Variants in USP9X observed in about 807,000 individuals in gnomAD.
USP9X encodes the protein ubiquitin carboxyl-terminal hydrolase 9X.
A neutral mutation model predicts 190.3 loss-of-function variants in USP9X; 7 were observed. That is an observed-to-expected ratio of 0.04 (90% CI 0.02 to 0.07). USP9X has a LOEUF of 0.07. Ranked by LOEUF, USP9X falls within the 10% of genes least tolerant of loss-of-function variation. The pLI is 1.00. For missense variants in USP9X, 1,010 were observed against 1,916.9 expected, an observed-to-expected ratio of 0.53 and a Z score of 8.83; for synonymous variants, 645 against 659.5, an observed-to-expected ratio of 0.98 and a Z score of 0.34.
intron 6 of USP9X, among the ~76,000 whole-genome samples, chrX:41,138,342 C>T (rs1437997357): frequency 5.4e-5 from 6 of 111,373 alleles, no homozygotes; most frequent in African/African-American, 2.0e-4. Flanking sequence ...ATGTTTTTTT[C>T]TCCTGTTCTC....
At chrX:41,130,747 A>T (rs2062305173) in intron 3 of USP9X, among the ~76,000 whole-genome samples, 1 of 99,140 alleles carries the variant, frequency 1.0e-5, no homozygotes, top group African/African-American at 3.8e-5. Context: ...TCCTTTTGAG[A>T]CGGTGTCTCA....
chrX:41,088,343 T>G (rs1937229), intron 1 of USP9X, among the ~76,000 whole-genome samples: 4 of 110,474 alleles, frequency 3.6e-5, no homozygotes, highest in Admixed American at 2.9e-4. Flanking sequence ...GAGATTTCTT[T>G]GCTATCTTCT....
chrX:41,169,531 T>C (rs962158041), intron 18 of USP9X, among the ~76,000 whole-genome samples: 2 of 111,403 alleles, frequency 1.8e-5, no homozygotes, highest in Non-Finnish European at 3.8e-5. Flanking sequence ...CTCGGATCAC[T>C]GCAACCTTTG....
intron 13 of USP9X, 41 bp downstream of exon 13, chrX:41,151,098 T>C: frequency 8.8e-7 from 1 of 1,139,890 alleles, no homozygotes; most frequent in South Asian, 2.1e-5. Context: ...ACTTAAAATT[T>C]ATGTACTTTA....
chrX:41,109,998 A>G (rs1490911979), intron 1 of USP9X, among the ~76,000 whole-genome samples: 1 of 111,543 alleles, frequency 9.0e-6, no homozygotes, highest in Non-Finnish European at 1.9e-5. Flanking sequence ...AACTTACTGT[A>G]TTTCAGACTC....
intron 32 of USP9X, among the ~76,000 whole-genome samples, chrX:41,209,198 A>G (rs542586111): frequency 4.5e-5 from 5 of 111,791 alleles, no homozygotes; most frequent in Non-Finnish European, 7.5e-5. Flanking sequence ...CGATTTCCCA[A>G]AAGTGGTCTT....
chrX:41,204,429 T>C (rs1602030394), intron 31 of USP9X, among the ~76,000 whole-genome samples: 1 of 98,802 alleles, frequency 1.0e-5, no homozygotes, highest in African/African-American at 3.7e-5. Context: ...TTTTTTTTTT[T>C]AACAGTTCTG....
chrX:41,130,555 C>T (rs1168040430), intron 3 of USP9X, among the ~76,000 whole-genome samples: 1 of 100,641 alleles, frequency 9.9e-6, no homozygotes, highest in African/African-American at 3.7e-5. Context: ...GTGGTGTGAT[C>T]TCGGCTCACT....
chrX:41,205,650 T>A (rs1436777748), intron 32 of USP9X, among the ~76,000 whole-genome samples, 157 bp downstream of exon 32: 1 of 104,811 alleles, frequency 9.5e-6, no homozygotes, highest in Non-Finnish European at 2.0e-5. Context: ...TTTTTTTTTT[T>A]AGGTCCCCTT....
At chrX:41,113,942 GAA>G (rs2062127941) in intron 1 of USP9X, among the ~76,000 whole-genome samples, 1 of 112,779 alleles carries the variant, frequency 8.9e-6, no homozygotes, top group African/African-American at 3.2e-5. Flanking sequence ...GCAGTTGAGA[GAA>G]ATGTGAACAA....
chrX:41,171,822 G>A lies in USP9X; in HGVS notation c.3028-16G>A, dbSNP rs1459745860. On this transcript the variant is annotated splice_polypyrimidine_tract_variant and intron_variant, in intron 20 of 44. Coordinates refer to ENST00000378308, the MANE Select transcript of USP9X (RefSeq NM_001039591.3). The stretch of plus-strand genomic sequence containing the variant: ...AATAATTTAGAGGTAATTATTTTGT[G>A]TATTTTATATTCTAGATAATGTCAC... 8.3e-7 allele frequency: 1 copy of A among 1,202,505 alleles called. No individual in the cohort carries two copies. The highest frequency in any genetic ancestry group is 2.2e-5 in the Admixed American group (1 of 44,917).
At chrX:41,219,315 T>C in intron 38 of USP9X, 84 bp downstream of exon 38, 1 of 980,103 alleles carries the variant, frequency 1.0e-6, no homozygotes, top group Non-Finnish European at 1.4e-6. Context: ...TGAAATATAA[T>C]CTGATCTGAA....
intron 23 of USP9X, 65 bp from the exon 24 acceptor site, chrX:41,186,452 G>A: frequency 2.6e-6 from 3 of 1,150,913 alleles, no homozygotes; most frequent in Non-Finnish European, 3.6e-6. Flanking sequence ...TGAATGAAGA[G>A]CAATTGGTTA....
intron 1 of USP9X, among the ~76,000 whole-genome samples, chrX:41,117,602 G>T (rs1174759859): frequency 4.2e-5 from 4 of 96,185 alleles, no homozygotes; most frequent in African/African-American, 1.6e-4. Flanking sequence ...TTTTGAGACG[G>T]AGTTTTGCTC....
intron 21 of USP9X, among the ~76,000 whole-genome samples, chrX:41,182,472 T>C (rs2062836298): frequency 9.1e-6 from 1 of 110,477 alleles, no homozygotes; most frequent in Middle Eastern, 4.2e-3. Flanking sequence ...AGAATATTTT[T>C]AAGCCAAGCA....
intron 1 of USP9X, among the ~76,000 whole-genome samples, chrX:41,122,105 G>A (rs1471950470): frequency 1.8e-5 from 2 of 109,811 alleles, no homozygotes; most frequent in Admixed American, 9.7e-5. Flanking sequence ...GGGTTTTCAG[G>A]GTTTTTTGTT....
intron 21 of USP9X, among the ~76,000 whole-genome samples, chrX:41,181,435 CTTTT>C (rs200403625): frequency 7.8e-5 from 3 of 38,575 alleles, no homozygotes; most frequent in African/African-American, 2.6e-4. Context: ...CCACACCTGA[CTTTT>C]TTTTTTTTTT....
chrX:41,214,433 C>T, intron 33 of USP9X, 135 bp from the exon 34 acceptor site: 1 of 581,031 alleles, frequency 1.7e-6, no homozygotes, highest in Non-Finnish European at 2.5e-6. Context: ...ATGTAACAAA[C>T]CTGCACGTTG....
intron 26 of USP9X, chrX:41,189,713 A>G (rs1161412250): frequency 7.0e-6 from 2 of 284,712 alleles, no homozygotes; most frequent in African/African-American, 5.5e-5. Flanking sequence ...ATTTAGTTTT[A>G]CCTGGGAGGT....
Sources: gnomAD v4.1 joint callset for allele counts (sites outside exome capture counted in the v4.1 genomes callset) on GRCh38, gnomAD v4.1.1 for gene constraint, MANE v1.5 for transcripts, NCBI Gene and HGNC (gene_info 2026-07-23, HGNC 2026-07-21) for gene names.